Variants in ATF7IP observed in about 807,000 individuals in gnomAD.
ATF7IP encodes the protein activating transcription factor 7 interacting protein, also known as activating transcription factor 7-interacting protein 1.
ATF7IP carries 23 observed loss-of-function variants against 106.4 expected under a neutral mutation model. The ratio of observed to expected loss-of-function variants is 0.22; its 90% CI spans 0.16 to 0.31. The LOEUF is 0.31. Among genes scored for constraint, ATF7IP ranks in the 10% least tolerant of loss-of-function variants. The pLI is 1.00. For synonymous variants in ATF7IP, 542 were observed against 539.0 expected (o/e 1.01, Z -0.08); for missense variants, 1,334 against 1,524.3 (o/e 0.88, Z 2.08).
intron 1 of ATF7IP, among the ~76,000 whole-genome samples, chr12:14,402,105 TTTTTC>T (rs1364137432): frequency 1.3e-5 from 2 of 149,644 alleles, no homozygotes; most frequent in Non-Finnish European, 3.0e-5. Flanking sequence ...TCTCTCTCTC[TTTTTC>T]TTTTCTTTTC....
chr12:14,405,653 A>G (rs1315391905), intron 1 of ATF7IP, among the ~76,000 whole-genome samples: 1 of 151,982 alleles, frequency 6.6e-6, no homozygotes, highest in Admixed American at 6.6e-5. Flanking sequence ...CTGGTGCCTC[A>G]AGCAGTCTTC....
chr12:14,403,243 T>C (rs1364288479), intron 1 of ATF7IP, among the ~76,000 whole-genome samples: 1 of 152,238 alleles, frequency 6.6e-6, no homozygotes, highest in Non-Finnish European at 1.5e-5. Context: ...GAGTTAATTT[T>C]TGTTTACCCC....
chr12:14,428,732 G>T (rs1171287140), intron 2 of ATF7IP, among the ~76,000 whole-genome samples: 1 of 152,172 alleles, frequency 6.6e-6, no homozygotes, highest in Non-Finnish European at 1.5e-5. Flanking sequence ...TCAGGCACTT[G>T]TTGAGCAAAT....
chr12:14,484,399 C>A (rs1351258194), intron 13 of ATF7IP, among the ~76,000 whole-genome samples: 2 of 152,184 alleles, frequency 1.3e-5, no homozygotes, highest in African/African-American at 4.8e-5. Context: ...TGAGCACTCA[C>A]AAGGGATACA....
rs749674382 is a variant in ATF7IP at position 14,424,906 on chromosome 12, A to C, written c.991A>C (p.Ser331Arg). Residue 331 changes from serine to arginine, a missense_variant, in exon 2 of 15, where the codon AGT becomes CGT. By Grantham distance (110) the Ser-to-Arg change is moderately radical. This residue lies in a region of ATF7IP where 438 missense variants were observed against 405.3 expected (regional missense o/e 1.08). Transcript: ENST00000261168. ...TGATGAAAAATTAGAGCAAATTCAG[A>C]GTAAAGACTCATTGGATGAGAAAAA... ...GADEKLEQIQ[S>R]KDSLDEKNKA... is the part of the protein sequence containing the mutation. The C allele has an allele frequency of 3.7e-5, 60 of 1,608,100 alleles. No homozygotes were observed. Among genetic ancestry groups the C allele is most frequent in the Non-Finnish European group, 4.4e-5 (52 of 1,178,618 alleles).
In ATF7IP at chr12:14,424,766, C is replaced by A; in HGVS notation, c.851C>A (p.Thr284Asn). 1.2e-6 allele frequency: 2 copies of A among 1,614,070 alleles called. No individual in the cohort carries two copies. The highest frequency in any genetic ancestry group is 1.7e-6 in the Non-Finnish European group (2 of 1,180,020). ...LASDELTSES[T>N]FDRTFEPKSV... The stretch of plus-strand genomic sequence containing the variant: ...TCTGATGAGCTGACTTCTGAATCAA[C>A]CTTTGATCGTACCTTTGAACCAAAG... Residue 284 changes from threonine to asparagine, a missense_variant, in exon 2 of 15, where the codon ACC (threonine) becomes AAC (asparagine). Physicochemically the swap from Thr to Asn is moderately conservative, Grantham distance 65. Coordinates refer to ENST00000261168, the MANE Select transcript of ATF7IP (RefSeq NM_018179.5).
chr12:14,449,945 G>C (rs1049678153), intron 6 of ATF7IP, among the ~76,000 whole-genome samples: 1 of 151,350 alleles, frequency 6.6e-6, no homozygotes, highest in Non-Finnish European at 1.5e-5. Context: ...TATTCTTTTC[G>C]ATGCTATTAT....
At chr12:14,455,985 C>T (rs1241115591) in intron 6 of ATF7IP, among the ~76,000 whole-genome samples, 1 of 152,028 alleles carries the variant, frequency 6.6e-6, no homozygotes, top group African/African-American at 2.4e-5. Context: ...TCTGTATTCC[C>T]TGGTTTTGGG....
chr12:14,370,346 T>C (rs1938483484), intron 1 of ATF7IP, among the ~76,000 whole-genome samples: 1 of 152,176 alleles, frequency 6.6e-6, no homozygotes, highest in Non-Finnish European at 1.5e-5. Context: ...TGGGCCTTAT[T>C]CTTAGAGCAT....
At position 14,434,367 on chromosome 12, in the gene ATF7IP, A is replaced by C; in HGVS notation, c.1589A>C (p.Lys530Thr). ...AEVESNEKDN[K>T]PEEEEQVIHE... ...GTAGAAAGTAATGAAAAGGACAACA[A>C]ACCTGAGGAAGAAGAGCAAGTAATA... is the stretch of plus-strand genomic sequence containing the variant. The change falls in exon 3 of 15, where the codon AAA becomes ACA. Residue 530 changes from lysine to threonine, a missense_variant. Physicochemically the swap from Lys to Thr is moderately conservative, Grantham distance 78 (BLOSUM62 -1). Coordinates refer to ENST00000261168, the MANE Select transcript of ATF7IP (RefSeq NM_018179.5). 2 of 1,584,230 alleles carry C rather than the reference A, an allele frequency of 1.3e-6. No individual in the cohort carries two copies.
intron 6 of ATF7IP, among the ~76,000 whole-genome samples, chr12:14,449,413 T>C (rs1943110091): frequency 6.6e-6 from 1 of 152,150 alleles, no homozygotes; most frequent in Admixed American, 6.5e-5. Flanking sequence ...TCCCGTTGTG[T>C]GGTTTAGGCA....
intron 10 of ATF7IP, among the ~76,000 whole-genome samples, chr12:14,469,125 C>T (rs927290713): frequency 2.6e-5 from 4 of 152,120 alleles, no homozygotes; most frequent in Non-Finnish European, 5.9e-5. Flanking sequence ...AATCCCAGCA[C>T]TTTGGGAGGC....
intron 2 of ATF7IP, among the ~76,000 whole-genome samples, chr12:14,429,422 A>G (rs943689050): frequency 6.6e-6 from 1 of 152,116 alleles, no homozygotes; most frequent in Admixed American, 6.5e-5. Flanking sequence ...TTTCTTAAAC[A>G]TAAGATTTTT....
intron 1 of ATF7IP, among the ~76,000 whole-genome samples, chr12:14,391,825 G>A (rs1380314125): frequency 3.3e-5 from 5 of 152,096 alleles, no homozygotes; most frequent in African/African-American, 2.4e-5. Flanking sequence ...AGGTTCAAGC[G>A]GTCTTCCTGC....
At chr12:14,430,225 G>A (rs1354689984) in intron 2 of ATF7IP, among the ~76,000 whole-genome samples, 1 of 152,178 alleles carries the variant, frequency 6.6e-6, no homozygotes, top group Non-Finnish European at 1.5e-5. Flanking sequence ...ACTGTTTTGA[G>A]GAGGGAATAA....
intron 5 of ATF7IP, among the ~76,000 whole-genome samples, chr12:14,440,162 C>T (rs1942627910): frequency 6.6e-6 from 1 of 152,100 alleles, no homozygotes; most frequent in Admixed American, 6.5e-5. Context: ...CAGTGAGTTG[C>T]CAAGTTACAA....
At chr12:14,471,813 T>C (rs982966688) in intron 10 of ATF7IP, among the ~76,000 whole-genome samples, 3 of 151,964 alleles carry the variant, frequency 2.0e-5, no homozygotes, top group Non-Finnish European at 4.4e-5. Flanking sequence ...ATGGAAATTA[T>C]CAGAACTACA....
rs539283870 is a variant in ATF7IP, at chr12:14,430,526, A to T, written c.1559-3811A>T. On this transcript the variant is annotated intron_variant, in intron 2 of 14. Coordinates refer to ENST00000261168, the MANE Select transcript of ATF7IP (RefSeq NM_018179.5). ...AAAACTAATACAAAATGTCTGGAAA[A>T]GTCACATTACCAGTCATGCCTTATT... 2.0e-5 allele frequency among the ~76,000 whole-genome samples: 3 copies of T among 152,362 alleles called. No homozygotes were observed. The East Asian group carries it at 5.8e-4, about 29-fold the overall frequency.
intron 13 of ATF7IP, among the ~76,000 whole-genome samples, chr12:14,483,426 G>A (rs1944491199): frequency 6.6e-6 from 1 of 152,116 alleles, no homozygotes; most frequent in Non-Finnish European, 1.5e-5. Flanking sequence ...TCGCTAGCCT[G>A]TTGACTTAAA....
Sources: gnomAD v4.1 joint callset for allele counts (sites outside exome capture counted in the v4.1 genomes callset) on GRCh38, gnomAD v4.1.1 for gene constraint, gnomAD v4.1.1 regional missense constraint, MANE v1.5 for transcripts, NCBI Gene and HGNC (gene_info 2026-07-23, HGNC 2026-07-21) for gene names.